Variants in PPP2R3B observed in about 807,000 individuals in gnomAD.
PPP2R3B encodes serine/threonine-protein phosphatase 2A regulatory subunit B'' subunit beta.
Under a neutral mutation model 72.9 loss-of-function variants are expected in PPP2R3B, and 68 were observed. That is an observed-to-expected ratio of 0.93 (90% CI 0.77 to 1.14). The LOEUF (loss-of-function observed/expected upper bound fraction) is 1.14, where lower values mean the gene tolerates loss of function less well. Ranked by LOEUF, PPP2R3B falls within the 50% of genes most tolerant of loss-of-function variation. PPP2R3B has a pLI of 0.00. For synonymous variants in PPP2R3B, 466 were observed against 375.8 expected, an observed-to-expected ratio of 1.24 and a Z score of -2.78; for missense variants, 1,018 against 842.0, an observed-to-expected ratio of 1.21 and a Z score of -2.59.
intron 2 of PPP2R3B, among the ~76,000 whole-genome samples, chrX:352,812 G>A (rs964401930): frequency 1.3e-5 from 2 of 151,464 alleles, no homozygotes; most frequent in African/African-American, 4.9e-5. Context: ...GGCGGGTGAC[G>A]GGACAAGAGG....
intron 10 of PPP2R3B, 113 bp from the exon 11 acceptor site, chrX:339,009 G>A (rs964711115): frequency 7.6e-5 from 65 of 852,926 alleles, no homozygotes; most frequent in African/African-American, 1.2e-4. Flanking sequence ...ACGAAGCTCC[G>A]GGCTCTCACG....
At chrX:346,330 G>T in intron 5 of PPP2R3B, 70 bp from the exon 6 acceptor site, 1 of 1,450,900 alleles carries the variant, frequency 6.9e-7, no homozygotes, top group Non-Finnish European at 9.4e-7. Context: ...CGGAGACCGG[G>T]AGCCGGGAGA....
rs199622157 is a variant in PPP2R3B, at chrX:338,588, C to T, written c.1577+16G>A. 651 of 1,584,554 alleles carry T rather than the reference C, an allele frequency of 4.1e-4. 1 individual carries two copies. The highest frequency in any genetic ancestry group is 2.2e-3 in the Middle Eastern group (10 of 4,534). ...CCACTGACCCGTCCCCCCACTCACCCGTCCTCCCCACTCACCCGTCCTCCC... is the reference window on the plus strand; with the variant it reads ...CCACTGACCCGTCCCCCCACTCACCTGTCCTCCCCACTCACCCGTCCTCCC... On this transcript the variant is annotated intron_variant, in intron 12 of 12. Coordinates refer to ENST00000390665, the MANE Select transcript of PPP2R3B (RefSeq NM_013239.5).
chrX:338,106 G>A (rs1219765574), intron 12 of PPP2R3B: 2 of 181,312 alleles, frequency 1.1e-5, no homozygotes, highest in East Asian at 2.8e-4. Flanking sequence ...CACAAACTGG[G>A]AAAAAGGCGA....
chrX:361,063 C>T (rs1363374230), intron 2 of PPP2R3B, among the ~76,000 whole-genome samples: 3 of 152,150 alleles, frequency 2.0e-5, no homozygotes, highest in Non-Finnish European at 2.9e-5. Flanking sequence ...CCGAGAGCCA[C>T]GAGAGCTGGC....
In PPP2R3B at chrX:338,312, G is replaced by T; in HGVS notation, c.1577+292C>A. The T allele has an allele frequency of 5.3e-6, 3 of 561,494 alleles. No individual in the cohort carries two copies. The South Asian group carries it at 6.1e-5, about 11-fold the overall frequency. The allele number at this position is 561,494 out of a possible 1,614,324, so 34.8% of individuals were successfully genotyped here. A position where few individuals can be genotyped will look rare whatever the true frequency, so the allele number is the denominator to read the frequency against. ...AGGACAGACGTCGTTGGCGAAACAC[G>T]ACTCGGCCTCCCCGTGCTGGGCCTG... is the stretch of plus-strand genomic sequence containing the variant. On this transcript the variant is annotated intron_variant, in intron 12 of 12. Transcript: ENST00000390665.
chrX:341,562 C>A, intron 8 of PPP2R3B, 166 bp from the exon 9 acceptor site: 1 of 743,278 alleles, frequency 1.3e-6, no homozygotes, highest in Non-Finnish European at 2.3e-6. Context: ...AGGTGGAGGC[C>A]CCGTGGCCAG....
chrX:368,597 C>A (rs190314425), intron 1 of PPP2R3B, among the ~76,000 whole-genome samples: 1 of 38,114 alleles, frequency 2.6e-5, no homozygotes. Flanking sequence ...GGGCACCGAC[C>A]GGGGGAAGGC....
In PPP2R3B at chrX:346,716, C is replaced by T; in HGVS notation, c.777G>A (p.Ser259=). Residue 259 remains serine, a synonymous_variant, in exon 5 of 13, where the codon TCG becomes TCA. Coordinates refer to ENST00000390665, the MANE Select transcript of PPP2R3B (RefSeq NM_013239.5). ...SFLKEASEFH[S]RYITTVIQRI... is the part of the protein sequence containing the mutation. ...GGGGACCCACCGTGGTGATGTAGCG[C>T]GAGTGGAACTCGGACGCCTCCTTCA... 1 of 1,609,742 alleles carries T rather than the reference C, an allele frequency of 6.2e-7. No individual in the cohort carries two copies. Among genetic ancestry groups the T allele is most frequent in the South Asian group, 1.1e-5 (1 of 90,890 alleles).
Position 346,790 on chromosome X carries a change from A to G in PPP2R3B, c.718-15T>C, listed in dbSNP as rs776191267. 1.9e-6 allele frequency: 3 copies of G among 1,606,384 alleles called. No homozygotes were observed. In the African/African-American group the frequency reaches 4.0e-5, roughly 21 times the overall value. On this transcript the variant is annotated splice_polypyrimidine_tract_variant and intron_variant, in intron 4 of 12. Coordinates refer to ENST00000390665, the MANE Select transcript of PPP2R3B (RefSeq NM_013239.5). ...TTCACCACGTCCTGCGGGTGGGAAGACACGAGGCGCGTGGTGTAGACGCCG... is the reference window on the plus strand; with the variant it reads ...TTCACCACGTCCTGCGGGTGGGAAGGCACGAGGCGCGTGGTGTAGACGCCG...
intron 8 of PPP2R3B, 181 bp from the exon 9 acceptor site, chrX:341,577 T>C (rs1320962772): frequency 2.0e-5 from 14 of 693,700 alleles, no homozygotes; most frequent in Non-Finnish European, 3.5e-5. Context: ...GGCCAGAGGG[T>C]TTTCCCCAGA....
chrX:380,358 A>G lies in PPP2R3B; in HGVS notation c.324+6010T>C, dbSNP rs757156769. 2.6e-5 allele frequency among the ~76,000 whole-genome samples: 4 copies of G among 152,342 alleles called. No individual in the cohort carries two copies. In the East Asian group the frequency reaches 7.7e-4, roughly 29 times the overall value. Reference sequence around the variant, plus strand: ...TGTATGTAAAGAGCTCTCGCAACTCAGTGATAACATAACCCAATTTAAAAA... The same window carrying G: ...TGTATGTAAAGAGCTCTCGCAACTCGGTGATAACATAACCCAATTTAAAAA... On this transcript the variant is annotated intron_variant, in intron 1 of 12. Coordinates refer to ENST00000390665, the MANE Select transcript of PPP2R3B (RefSeq NM_013239.5).
At chrX:373,401 C>T (rs1378658182) in intron 1 of PPP2R3B, 1 of 152,176 alleles carries the variant, frequency 6.6e-6, no homozygotes, top group Non-Finnish European at 1.5e-5. Context: ...GGCGTTTGGG[C>T]CCCGCCACGC....
At chrX:370,511 C>G (rs2071836178) in intron 1 of PPP2R3B, among the ~76,000 whole-genome samples, 2 of 152,150 alleles carry the variant, frequency 1.3e-5, no homozygotes, top group African/African-American at 4.8e-5. Flanking sequence ...GGATGCCGCG[C>G]AACACAGCGA....
Position 338,683 on chromosome X carries a change from A to ACTG in PPP2R3B, c.1497_1498insCAG (p.Leu499_Ser500insGln). On this transcript the variant is annotated inframe_insertion, in exon 12 of 13. Coordinates refer to ENST00000390665, the MANE Select transcript of PPP2R3B (RefSeq NM_013239.5). ...TCGGCCGCGTACTTCTCCCAGTCCG[A>ACTG]GAGCTCGGGGCCGCCGCTGTCACCG... 1 of 1,611,592 alleles carries ACTG rather than the reference A, an allele frequency of 6.2e-7. No individual in the cohort carries two copies. The highest frequency in any genetic ancestry group is 8.5e-7 in the Non-Finnish European group (1 of 1,179,638).
chrX:377,129 G>C (rs1372730300), intron 1 of PPP2R3B, among the ~76,000 whole-genome samples: 2 of 16,218 alleles, frequency 1.2e-4, no homozygotes, highest in Non-Finnish European at 2.2e-4. Flanking sequence ...ATGCAGGGAC[G>C]GGCCGTCCAC....
At chrX:356,100 G>A (rs748969752) in intron 2 of PPP2R3B, among the ~76,000 whole-genome samples, 5 of 152,354 alleles carry the variant, frequency 3.3e-5, no homozygotes, top group South Asian at 2.1e-4. Flanking sequence ...AGGACGGGAC[G>A]CCTGCACACG....
rs373775670 is a variant in PPP2R3B at position 334,046 on chromosome X, G to A, written c.*321C>T. On this transcript the variant is annotated 3_prime_UTR_variant, in exon 13 of 13. Coordinates refer to ENST00000390665, the MANE Select transcript of PPP2R3B (RefSeq NM_013239.5). The stretch of plus-strand genomic sequence containing the variant: ...AGGACTGAGGCGCCCGGGAGCCGCC[G>A]GTCACCGTTGTGCGCACACGGACCC... The A allele has an allele frequency of 1.4e-4, 39 of 271,478 alleles. No individual in the cohort carries two copies. The highest frequency in any genetic ancestry group is 1.1e-3 in the Middle Eastern group (1 of 928). 16.8% of individuals were successfully genotyped at this position (271,478 alleles called of 1,614,324 possible).
chrX:376,929 C>A (rs2072010686), intron 1 of PPP2R3B, among the ~76,000 whole-genome samples: 1 of 39,370 alleles, frequency 2.5e-5, no homozygotes, highest in Admixed American at 1.9e-4. Flanking sequence ...TGTCTATACA[C>A]TACTGTATGC....
Sources: gnomAD v4.1 joint callset for allele counts (sites outside exome capture counted in the v4.1 genomes callset) on GRCh38, gnomAD v4.1.1 for gene constraint, MANE v1.5 for transcripts, NCBI Gene and HGNC (gene_info 2026-07-23, HGNC 2026-07-21) for gene names.